LEKR1: variants seen among roughly 807,000 people sequenced by gnomAD.
The protein encoded by LEKR1 is leucine, glutamate and lysine rich 1.
Under a neutral mutation model 72.4 loss-of-function variants are expected in LEKR1, and 59 were observed. The observed-to-expected ratio is 0.82, with a 90% CI of 0.66 to 1.01. The LOEUF (loss-of-function observed/expected upper bound fraction) is 1.01. Ranked by LOEUF, LEKR1 falls within the 50% of genes least tolerant of loss-of-function variation. The probability of loss-of-function intolerance (pLI) is 0.00; values close to 1 mark genes in which losing one functional copy is unlikely to be tolerated. For synonymous variants in LEKR1, 257 were observed against 263.2 expected, an observed-to-expected ratio of 0.98 and a Z score of 0.23; for missense variants, 728 against 759.2, an observed-to-expected ratio of 0.96 and a Z score of 0.48.
chr3:156,864,094 C>G (rs1263847707), intron 3 of LEKR1, among the ~76,000 whole-genome samples: 2 of 152,076 alleles, frequency 1.3e-5, no homozygotes, highest in African/African-American at 4.8e-5. Flanking sequence ...TTTGAAGTCA[C>G]TAATTTAGAC....
At chr3:157,008,016 A>G (rs1732600123) in intron 9 of LEKR1, among the ~76,000 whole-genome samples, 1 of 152,200 alleles carries the variant, frequency 6.6e-6, no homozygotes. Context: ...ATTTGGAAGA[A>G]AGCCCTGAGT....
chr3:156,984,163 C>CATGCAT (rs1247306533), intron 7 of LEKR1, among the ~76,000 whole-genome samples: 2 of 152,126 alleles, frequency 1.3e-5, no homozygotes, highest in Non-Finnish European at 2.9e-5. Context: ...TGCACATACA[C>CATGCAT]ATGCATATGG....
intron 12 of LEKR1, among the ~76,000 whole-genome samples, chr3:157,042,944 A>T (rs1045283234): frequency 5.3e-5 from 8 of 152,234 alleles, no homozygotes; most frequent in Non-Finnish European, 1.0e-4. Flanking sequence ...TGTAATCCCC[A>T]GTGTTGGAGG....
chr3:157,026,139 A>G (rs1734169379), intron 11 of LEKR1, among the ~76,000 whole-genome samples: 1 of 152,126 alleles, frequency 6.6e-6, no homozygotes, highest in Non-Finnish European at 1.5e-5. Context: ...ATGTGCCACA[A>G]GCTTAGAGCC....
intron 9 of LEKR1, among the ~76,000 whole-genome samples, chr3:157,007,991 C>T (rs1379039078): frequency 6.6e-6 from 1 of 152,186 alleles, no homozygotes; most frequent in Non-Finnish European, 1.5e-5. Context: ...GCAAAGGAGA[C>T]AGGAATGGCC....
intron 3 of LEKR1, among the ~76,000 whole-genome samples, chr3:156,898,650 T>C (rs1462024295): frequency 4.6e-5 from 7 of 152,160 alleles, no homozygotes; most frequent in Admixed American, 4.6e-4. Context: ...TAAAATCTCT[T>C]AGAAGCATTA....
At chr3:156,952,599 A>G (rs973704396) in intron 6 of LEKR1, among the ~76,000 whole-genome samples, 1 of 151,492 alleles carries the variant, frequency 6.6e-6, no homozygotes, top group Admixed American at 6.6e-5. Flanking sequence ...GCACTCTAAT[A>G]CATTTCTGGG....
At chr3:157,037,256 G>T (rs578114238) in intron 12 of LEKR1, among the ~76,000 whole-genome samples, 7 of 152,214 alleles carry the variant, frequency 4.6e-5, no homozygotes, top group Admixed American at 1.3e-4. Flanking sequence ...TTCCTGGGAG[G>T]CAGGACTTGG....
chr3:156,965,180 CTAGA>C (rs1363480255), intron 6 of LEKR1, among the ~76,000 whole-genome samples: 1 of 152,028 alleles, frequency 6.6e-6, no homozygotes, highest in Non-Finnish European at 1.5e-5. Context: ...TTTTGCCAGT[CTAGA>C]TAGAGTGGTT....
rs534550198 is a variant in LEKR1 at position 156,970,962 on chromosome 3, C to T, written c.746-8232C>T. On this transcript the variant is annotated intron_variant, in intron 6 of 12. Coordinates refer to ENST00000356539, the MANE Select transcript of LEKR1 (RefSeq NM_001004316.3). The stretch of plus-strand genomic sequence containing the variant: ...GCCATCCCCATCAAGCTACCAATGA[C>T]TTTCTTCACAGAATTGGAAAAAACT... Among the ~76,000 whole-genome samples the T allele has an allele frequency of 9.9e-5, 15 of 151,900 alleles. No homozygotes were observed. In the East Asian group the frequency reaches 2.9e-3, roughly 29 times the overall value.
At chr3:156,846,267 A>T (rs1347975857) in intron 2 of LEKR1, among the ~76,000 whole-genome samples, 1 of 152,058 alleles carries the variant, frequency 6.6e-6, no homozygotes, top group Non-Finnish European at 1.5e-5. Context: ...TCAATTAAGG[A>T]GAGTTTTATT....
intron 3 of LEKR1, among the ~76,000 whole-genome samples, chr3:156,880,838 G>A (rs1021469505): frequency 2.0e-5 from 3 of 152,076 alleles, no homozygotes; most frequent in Admixed American, 1.3e-4. Context: ...ATGCAAGGCT[G>A]GTTCAATATA....
intron 3 of LEKR1, chr3:156,888,529 C>G (rs1287032970): frequency 4.4e-5 from 26 of 595,838 alleles, no homozygotes; most frequent in Non-Finnish European, 7.0e-5. Context: ...GTGGGAGAAA[C>G]ACATAAAAAG....
intron 3 of LEKR1, among the ~76,000 whole-genome samples, chr3:156,916,730 A>G (rs1436448609): frequency 6.6e-6 from 1 of 152,104 alleles, no homozygotes; most frequent in Non-Finnish European, 1.5e-5. Context: ...CTCTCTTCCT[A>G]TTTGGATGTA....
chr3:156,995,970 T>C (rs1317249080), intron 9 of LEKR1, among the ~76,000 whole-genome samples: 1 of 152,214 alleles, frequency 6.6e-6, no homozygotes, highest in Non-Finnish European at 1.5e-5. Flanking sequence ...CCTTGTCCTC[T>C]AACTGCCCAG....
chr3:156,826,655 C>T lies in LEKR1; in HGVS notation c.-45+279C>T, dbSNP rs945375835. 3 of 155,558 alleles carry T rather than the reference C, an allele frequency of 1.9e-5. No individual in the cohort carries two copies. The East Asian group carries it at 5.7e-4, about 30-fold the overall frequency. The allele number at this position is 155,558 out of a possible 1,614,324, so 9.6% of individuals were successfully genotyped here. A position where few individuals can be genotyped will look rare whatever the true frequency, so the allele number is the denominator to read the frequency against. ...ACCCCCGCACCCTCCTCCTCCTCCT[C>T]TTCCGGCCACTGCAGGTCCAGGGGG... On this transcript the variant is annotated intron_variant, in intron 1 of 12. Transcript: ENST00000356539.
intron 3 of LEKR1, among the ~76,000 whole-genome samples, chr3:156,856,647 A>G (rs1482170488): frequency 6.6e-6 from 1 of 152,178 alleles, no homozygotes; most frequent in African/African-American, 2.4e-5. Context: ...ATTTTTAAAT[A>G]CATCGTGTAT....
At chr3:156,845,537 T>TA (rs199665534) in intron 2 of LEKR1, among the ~76,000 whole-genome samples, 13,390 of 151,272 alleles carry the variant, frequency 0.089, 801 homozygotes, top group Middle Eastern at 0.25. Flanking sequence ...GGTTCCTTTT[T>TA]TAAAAAAAAA....
intron 6 of LEKR1, among the ~76,000 whole-genome samples, chr3:156,963,700 T>A (rs1349743655): frequency 1.3e-5 from 2 of 152,148 alleles, no homozygotes; most frequent in African/African-American, 2.4e-5. Flanking sequence ...GGTACCCCCT[T>A]ACTATCACCC....
Sources: gnomAD v4.1 joint callset for allele counts (sites outside exome capture counted in the v4.1 genomes callset) on GRCh38, gnomAD v4.1.1 for gene constraint, MANE v1.5 for transcripts, NCBI Gene and HGNC (gene_info 2026-07-23, HGNC 2026-07-21) for gene names.